STRBP: variants seen among roughly 807,000 people sequenced by gnomAD.
STRBP encodes spermatid perinuclear RNA-binding protein.
STRBP carries 13 observed loss-of-function variants against 80.1 expected under a neutral mutation model. That is an observed-to-expected ratio of 0.16 (90% confidence interval 0.11 to 0.26). STRBP has a LOEUF of 0.26. Among genes scored for constraint, STRBP ranks in the 10% least tolerant of loss-of-function variants. The probability of loss-of-function intolerance (pLI) is 1.00; values close to 1 mark genes in which losing one functional copy is unlikely to be tolerated. For synonymous variants in STRBP, 284 were observed against 291.2 expected, an observed-to-expected ratio of 0.98 and a Z score of 0.25; for missense variants, 485 against 815.2, an observed-to-expected ratio of 0.59 and a Z score of 4.93.
At chr9:123,111,512 G>T (rs1460211762) in intron 3 of STRBP, 1 of 392,662 alleles carries the variant, frequency 2.5e-6, no homozygotes, top group South Asian at 1.9e-5. Context: ...CAGGAAAACG[G>T]GACAGATGGC....
intron 18 of STRBP, among the ~76,000 whole-genome samples, chr9:123,127,290 T>C (rs1191875011): frequency 6.6e-6 from 1 of 152,162 alleles, no homozygotes; most frequent in Non-Finnish European, 1.5e-5. Context: ...AAATGCACAA[T>C]GCGAAGGTCT....
intron 11 of STRBP, among the ~76,000 whole-genome samples, chr9:123,156,113 A>G (rs1020700264): frequency 5.3e-5 from 8 of 152,038 alleles, no homozygotes; most frequent in African/African-American, 1.9e-4. Context: ...TAGTAAACAT[A>G]CTTTTACTAT....
intron 3 of STRBP, among the ~76,000 whole-genome samples, chr9:123,180,649 C>T (rs2038418697): frequency 1.3e-5 from 2 of 152,082 alleles, no homozygotes; most frequent in Admixed American, 1.3e-4. Flanking sequence ...TGGAACAGAC[C>T]AGAACCCAGA....
chr9:123,183,353 C>T (rs1365873148), intron 3 of STRBP, among the ~76,000 whole-genome samples: 2 of 151,892 alleles, frequency 1.3e-5, no homozygotes, highest in Non-Finnish European at 2.9e-5. Flanking sequence ...GGGAGAATTG[C>T]TTGAACCTGG....
intron 1 of STRBP, among the ~76,000 whole-genome samples, chr9:123,259,077 G>C (rs916729357): frequency 6.9e-6 from 1 of 144,518 alleles, no homozygotes; most frequent in South Asian, 2.1e-4. Flanking sequence ...AAAAAAAAAG[G>C]GGGGGGGATT....
At chr9:123,223,038 AGATAGATAGAT>A (rs1280966886) in intron 2 of STRBP, among the ~76,000 whole-genome samples, 2 of 147,356 alleles carry the variant, frequency 1.4e-5, no homozygotes, top group African/African-American at 5.0e-5. Context: ...AAGGAAGCTC[AGATAGATAGAT>A]GATAGATAGA....
chr9:123,246,141 A>G (rs2040795547), intron 1 of STRBP, among the ~76,000 whole-genome samples: 1 of 152,252 alleles, frequency 6.6e-6, no homozygotes, highest in African/African-American at 2.4e-5. Flanking sequence ...TCAAAAGGAA[A>G]GATTTAAAAT....
chr9:123,135,178 C>T (rs1445158854), intron 16 of STRBP, among the ~76,000 whole-genome samples: 1 of 152,136 alleles, frequency 6.6e-6, no homozygotes, highest in Non-Finnish European at 1.5e-5. Flanking sequence ...TGTTTCCTTA[C>T]CTGTAAAATA....
chr9:123,153,735 T>C (rs1373460290), intron 11 of STRBP, among the ~76,000 whole-genome samples: 1 of 152,156 alleles, frequency 6.6e-6, no homozygotes, highest in Non-Finnish European at 1.5e-5. Context: ...GGCATTTTGA[T>C]ATTTTGGTCT....
chr9:123,235,114 T>C (rs2040517436), intron 2 of STRBP, among the ~76,000 whole-genome samples: 1 of 151,364 alleles, frequency 6.6e-6, no homozygotes, highest in South Asian at 2.1e-4. Flanking sequence ...TTCACTAAAA[T>C]GACCTGAAAG....
intron 16 of STRBP, among the ~76,000 whole-genome samples, chr9:123,133,190 G>A (rs1165240027): frequency 1.3e-5 from 2 of 152,092 alleles, no homozygotes; most frequent in Non-Finnish European, 2.9e-5. Flanking sequence ...TTTGCTTGAG[G>A]GTTATCCAGA....
intron 1 of STRBP, among the ~76,000 whole-genome samples, chr9:123,242,630 C>A (rs1234574130): frequency 6.6e-6 from 1 of 152,026 alleles, no homozygotes; most frequent in Admixed American, 6.5e-5. Flanking sequence ...ACTGCACTCC[C>A]GCCTGGGTGA....
chr9:123,250,287 G>A (rs1435926466), intron 1 of STRBP, among the ~76,000 whole-genome samples: 3 of 152,204 alleles, frequency 2.0e-5, no homozygotes, highest in Admixed American at 6.5e-5. Context: ...CTGTCTTCTA[G>A]TAAGTTAGGC....
At chr9:123,157,254 C>A (rs187760733) in intron 11 of STRBP, among the ~76,000 whole-genome samples, 24 of 152,264 alleles carry the variant, frequency 1.6e-4, no homozygotes, top group Non-Finnish European at 2.9e-4. Flanking sequence ...CTTTCTTTCT[C>A]AGTTAGATAA....
downstream of STRBP, among the ~76,000 whole-genome samples, chr9:123,120,106 A>G (rs181881699): frequency 5.9e-4 from 90 of 152,252 alleles, 1 homozygote; most frequent in Middle Eastern, 0.01. Flanking sequence ...TTATATAAGT[A>G]CTAGCTCTGT....
At position 123,123,856 on chromosome 9, in the gene STRBP, A is replaced by G. The variant is rs1230943447; in HGVS notation, c.*1741T>C. 2.0e-6 allele frequency: 2 copies of G among 985,346 alleles called. No homozygotes were observed. 61.0% of individuals were successfully genotyped at this position (985,346 alleles called of 1,614,324 possible). A position where few individuals can be genotyped will look rare whatever the true frequency, so the allele number is the denominator to read the frequency against. On this transcript the variant is annotated 3_prime_UTR_variant, in exon 19 of 19. Transcript: ENST00000348403. ...TCTCAGTGATGGCTCTGTTTCATCC[A>G]TAGGTCAGCAAAACGCATCAATGAA... is the stretch of plus-strand genomic sequence containing the variant.
Position 123,123,870 on chromosome 9 carries a change from C to A in STRBP, c.*1727G>T. On this transcript the variant is annotated 3_prime_UTR_variant, in exon 19 of 19. Transcript: ENST00000348403. Reference sequence around the variant, plus strand: ...CTGTTTCATCCATAGGTCAGCAAAACGCATCAATGAAACATGAAAACTCCC... The same window carrying A: ...CTGTTTCATCCATAGGTCAGCAAAAAGCATCAATGAAACATGAAAACTCCC... 1.0e-6 allele frequency: 1 copy of A among 985,396 alleles called. No individual in the cohort carries two copies. Among genetic ancestry groups the A allele is most frequent in the Non-Finnish European group, 1.2e-6 (1 of 829,924 alleles). 61.0% of individuals were successfully genotyped at this position (985,396 alleles called of 1,614,324 possible).
At chr9:123,248,877 C>T (rs1416710266) in intron 1 of STRBP, among the ~76,000 whole-genome samples, 1 of 152,214 alleles carries the variant, frequency 6.6e-6, no homozygotes, top group Non-Finnish European at 1.5e-5. Flanking sequence ...AGACTATAAA[C>T]TACTAAAGAG....
At chr9:123,257,132 C>A (rs953807005) in intron 1 of STRBP, among the ~76,000 whole-genome samples, 1 of 152,108 alleles carries the variant, frequency 6.6e-6, no homozygotes, top group African/African-American at 2.4e-5. Flanking sequence ...TCCAAACTTA[C>A]GCTCTGCTAA....
Sources: allele counts gnomAD v4.1 joint callset (sites outside exome capture counted in the v4.1 genomes callset), GRCh38; gene constraint gnomAD v4.1.1; transcripts MANE v1.5; gene names NCBI Gene and HGNC (gene_info 2026-07-23, HGNC 2026-07-21).